Variants in KSR2 observed in about 807,000 individuals in gnomAD.
KSR2 encodes kinase suppressor of ras 2.
In KSR2, 25 loss-of-function variants were observed where a neutral mutation model predicts 107.8. That is an observed-to-expected ratio of 0.23 (90% CI 0.17 to 0.32). The LOEUF (loss-of-function observed/expected upper bound fraction) is 0.32. Among genes scored for constraint, KSR2 ranks in the 10% least tolerant of loss-of-function variants. The pLI is 1.00. For missense variants in KSR2, 887 were observed against 1,268.9 expected, an observed-to-expected ratio of 0.70 and a Z score of 4.57; for synonymous variants, 480 against 507.0, an observed-to-expected ratio of 0.95 and a Z score of 0.71.
At chr12:117,922,493 AGCACTTGGGGACATTT>A (rs1209598443) in intron 1 of KSR2, among the ~76,000 whole-genome samples, 1 of 152,204 alleles carries the variant, frequency 6.6e-6, no homozygotes, top group Non-Finnish European at 1.5e-5. Flanking sequence ...TCATAAATAA[AGCACTTGGGGACATTT>A]TATATCAGGT....
chr12:117,657,795 C>T (rs887434401), intron 5 of KSR2, among the ~76,000 whole-genome samples: 5 of 152,156 alleles, frequency 3.3e-5, no homozygotes, highest in Admixed American at 6.5e-5. Context: ...GCTATCTATT[C>T]AAAACTATTT....
rs1028342060 is a variant in KSR2 at position 117,580,981 on chromosome 12, G to A, written c.1241+1309C>T. On this transcript the variant is annotated intron_variant, in intron 6 of 19. Coordinates refer to ENST00000339824, the MANE Select transcript of KSR2 (RefSeq NM_173598.6). ...CAAGGGGCGTGGCCAAACCGGGGTG[G>A]AGCAGAGCCAGAGAGCAGTGAGGAG... Among the ~76,000 whole-genome samples the A allele has an allele frequency of 9.9e-5, 15 of 152,280 alleles. No homozygotes were observed. The South Asian group carries it at 2.7e-3, about 27-fold the overall frequency.
At chr12:117,795,309 T>C (rs1318179) in intron 3 of KSR2, among the ~76,000 whole-genome samples, 85,072 of 152,072 alleles carry the variant, frequency 0.56, 24,943 homozygotes, top group East Asian at 0.77. Context: ...ATCCAACTTG[T>C]CAATGGTGTC....
At chr12:117,520,561 T>C (rs1377834582) in intron 14 of KSR2, among the ~76,000 whole-genome samples, 3 of 152,218 alleles carry the variant, frequency 2.0e-5, no homozygotes, top group Non-Finnish European at 2.9e-5. Context: ...ACACTGAGTG[T>C]CCACCAAGAT....
At chr12:117,952,601 G>A (rs548787953) in intron 1 of KSR2, among the ~76,000 whole-genome samples, 16 of 152,066 alleles carry the variant, frequency 1.1e-4, no homozygotes, top group Non-Finnish European at 1.3e-4. Flanking sequence ...GCTTGAACCC[G>A]GGAGGCGGAG....
chr12:117,941,332 C>A (rs1292064860), intron 1 of KSR2, among the ~76,000 whole-genome samples: 1 of 151,854 alleles, frequency 6.6e-6, no homozygotes, highest in East Asian at 1.9e-4. Context: ...ATCAAGCAGC[C>A]TCATCCATAA....
intron 9 of KSR2, among the ~76,000 whole-genome samples, chr12:117,547,472 C>A (rs891457725): frequency 6.6e-6 from 1 of 152,002 alleles, no homozygotes; most frequent in Non-Finnish European, 1.5e-5. Flanking sequence ...GTGTTCCTTC[C>A]CACCAGCAGG....
intron 5 of KSR2, among the ~76,000 whole-genome samples, chr12:117,593,081 G>A (rs1048727372): frequency 6.6e-6 from 1 of 152,154 alleles, no homozygotes; most frequent in African/African-American, 2.4e-5. Context: ...CTGAGCATGT[G>A]CAAAGGCAGC....
intron 3 of KSR2, among the ~76,000 whole-genome samples, chr12:117,845,225 A>C (rs1346514616): frequency 6.6e-6 from 1 of 152,198 alleles, no homozygotes; most frequent in Non-Finnish European, 1.5e-5. Flanking sequence ...ACAATGAGAG[A>C]TAACAAGGCA....
intron 3 of KSR2, among the ~76,000 whole-genome samples, chr12:117,826,675 T>C (rs1891764105): frequency 6.7e-6 from 1 of 149,890 alleles, no homozygotes; most frequent in Non-Finnish European, 1.5e-5. Flanking sequence ...TATTAGCATT[T>C]AGCAAGATCT....
At chr12:117,844,138 G>C (rs1369607312) in intron 3 of KSR2, among the ~76,000 whole-genome samples, 1 of 151,958 alleles carries the variant, frequency 6.6e-6, no homozygotes, top group Non-Finnish European at 1.5e-5. Context: ...TGTGTTGTGA[G>C]AAGCTCATGT....
chr12:117,504,956 G>A (rs1403783582), intron 14 of KSR2, among the ~76,000 whole-genome samples: 3 of 152,086 alleles, frequency 2.0e-5, no homozygotes, highest in African/African-American at 7.2e-5. Context: ...ATATCACTCT[G>A]TATGCCTTTG....
At chr12:117,574,147 C>T (rs1790533558) in intron 7 of KSR2, among the ~76,000 whole-genome samples, 1 of 151,964 alleles carries the variant, frequency 6.6e-6, no homozygotes, top group Non-Finnish European at 1.5e-5. Context: ...GGAGTCTGCC[C>T]CAGAGGTATT....
intron 5 of KSR2, among the ~76,000 whole-genome samples, chr12:117,597,593 C>T (rs12231292): frequency 0.033 from 5,058 of 152,206 alleles, 218 homozygotes; most frequent in South Asian, 0.14. Context: ...AGGAAGCAGC[C>T]CTGCCAATGG....
intron 3 of KSR2, among the ~76,000 whole-genome samples, chr12:117,854,087 A>G (rs907735194): frequency 6.6e-6 from 1 of 152,160 alleles, no homozygotes; most frequent in Non-Finnish European, 1.5e-5. Flanking sequence ...TGCAGCCTCA[A>G]TCAATGTCCT....
chr12:117,820,389 T>C (rs568153830), intron 3 of KSR2, among the ~76,000 whole-genome samples: 3 of 152,214 alleles, frequency 2.0e-5, no homozygotes, highest in Non-Finnish European at 2.9e-5. Context: ...GATTATGCTT[T>C]TCTTGAACTT....
chr12:117,574,508 A>C (rs1188146149), intron 7 of KSR2, among the ~76,000 whole-genome samples: 2 of 152,164 alleles, frequency 1.3e-5, no homozygotes, highest in Non-Finnish European at 2.9e-5. Context: ...AGAATGAAGA[A>C]AATCAAGCGA....
chr12:117,755,425 T>C (rs1888755269), intron 4 of KSR2, among the ~76,000 whole-genome samples: 1 of 152,222 alleles, frequency 6.6e-6, no homozygotes, highest in Admixed American at 6.5e-5. Context: ...TTTTCATTAT[T>C]ATTATATCTG....
At chr12:117,951,814 G>A (rs1896373072) in intron 1 of KSR2, among the ~76,000 whole-genome samples, 1 of 152,134 alleles carries the variant, frequency 6.6e-6, no homozygotes, top group Non-Finnish European at 1.5e-5. Flanking sequence ...CCCAGGAAGC[G>A]AATCCAACTC....
Sources: allele counts gnomAD v4.1 joint callset (sites outside exome capture counted in the v4.1 genomes callset), GRCh38; gene constraint gnomAD v4.1.1; transcripts MANE v1.5; gene names NCBI Gene and HGNC (gene_info 2026-07-23, HGNC 2026-07-21).